Variants in ADAMDEC1 observed in about 807,000 individuals in gnomAD.
ADAMDEC1 encodes ADAM like decysin 1.
In ADAMDEC1, 62 loss-of-function variants were observed where a neutral mutation model predicts 60.4. The observed-to-expected ratio is 1.03, with a 90% CI of 0.84 to 1.27. ADAMDEC1 has a LOEUF of 1.27. Among genes scored for constraint, ADAMDEC1 ranks in the 50% most tolerant of loss-of-function variants. The probability of loss-of-function intolerance (pLI) is 0.00; values close to 1 mark genes in which losing one functional copy is unlikely to be tolerated. For missense variants in ADAMDEC1, 595 were observed against 565.0 expected (o/e 1.05, Z -0.54); for synonymous variants, 210 against 195.1 (o/e 1.08, Z -0.64).
At chr8:24,388,329 C>T (rs180841912) in intron 1 of ADAMDEC1, among the ~76,000 whole-genome samples, 1 of 152,172 alleles carries the variant, frequency 6.6e-6, no homozygotes, top group Non-Finnish European at 1.5e-5. Context: ...TACACTTTCT[C>T]TCTAGTTAGT....
Position 24,398,993 on chromosome 8 carries a change from C to A in ADAMDEC1, c.882C>A (p.His294Gln), listed in dbSNP as rs368922127. The A allele has an allele frequency of 9.0e-5, 145 of 1,613,502 alleles. No homozygotes were observed. The highest frequency in any genetic ancestry group is 1.1e-4 in the Non-Finnish European group (132 of 1,179,784). Residue 294 changes from histidine to glutamine, a missense_variant, in exon 9 of 14, where the codon CAC becomes CAA. By Grantham distance (24) the His-to-Gln change is conservative. Coordinates refer to ENST00000256412, the MANE Select transcript of ADAMDEC1 (RefSeq NM_014479.3). ...CGTTTGACAACTTCCTGAGATGGCA[C>A]AGTTCTAACCTGGGGAAAAAGATCC... Reference protein sequence around the residue: ...STTFDNFLRWHSSNLGKKIHD... With the variant: ...STTFDNFLRWQSSNLGKKIHD...
At chr8:24,385,348 C>T (rs1817265540) in intron 1 of ADAMDEC1, among the ~76,000 whole-genome samples, 1 of 152,158 alleles carries the variant, frequency 6.6e-6, no homozygotes, top group Admixed American at 6.5e-5. Flanking sequence ...AAAAGCTGCA[C>T]ACATACGGCT....
At chr8:24,386,750 TTTTC>T (rs1482874219) in intron 1 of ADAMDEC1, among the ~76,000 whole-genome samples, 2 of 152,188 alleles carry the variant, frequency 1.3e-5, no homozygotes, top group Non-Finnish European at 1.5e-5. Flanking sequence ...TGAATATCCT[TTTTC>T]TTTCTCTTCT....
chr8:24,405,499 T>C lies in ADAMDEC1; in HGVS notation c.*201T>C. On this transcript the variant is annotated 3_prime_UTR_variant, in exon 14 of 14. Transcript: ENST00000256412. ...CTTTGTTTAGGCCTAATCTTTCTTT[T>C]TACTTTTTTTTTTCTTTTTTCTTTT... is the stretch of plus-strand genomic sequence containing the variant. 1 of 504,606 alleles carries C rather than the reference T, an allele frequency of 2.0e-6. No individual in the cohort carries two copies. Among genetic ancestry groups the C allele is most frequent in the South Asian group, 4.8e-5 (1 of 20,968 alleles). The allele number at this position is 504,606 out of a possible 1,614,324, so 31.3% of individuals were successfully genotyped here. A position where few individuals can be genotyped will look rare whatever the true frequency, so the allele number is the denominator to read the frequency against.
chr8:24,403,984 T>TTG lies in ADAMDEC1; in HGVS notation c.1321-10_1321-9dup, dbSNP rs1563358592. The TTG allele has an allele frequency of 6.2e-7, 1 of 1,605,640 alleles. No homozygotes were observed. Among genetic ancestry groups the TTG allele is most frequent in the South Asian group, 1.1e-5 (1 of 90,032 alleles). Reference sequence around the variant, plus strand: ...AAAATGTTGAACCCACCTTTTTCCATTGTGTGTGTGCTTTGAAGGAGTGTA... The same window carrying TTG: ...AAAATGTTGAACCCACCTTTTTCCATTGTGTGTGTGTGCTTTGAAGGAGTGTA... On this transcript the variant is annotated intron_variant, in intron 12 of 13. Transcript: ENST00000256412.
At position 24,400,236 on chromosome 8, in the gene ADAMDEC1, A is replaced by G. The variant is rs1817726978; in HGVS notation, c.1078A>G (p.Met360Val). 1 of 1,612,340 alleles carries G rather than the reference A, an allele frequency of 6.2e-7. No homozygotes were observed. Among genetic ancestry groups the G allele is most frequent in the African/African-American group, 1.3e-5 (1 of 74,988 alleles). Reference protein sequence around the residue: ...MSHELGHVLGMPDVPFNTKCP... With the variant: ...MSHELGHVLGVPDVPFNTKCP... ...ACATGAGCTGGGCCATGTCCTTGGTATGCCTGATGTTCCATTCAACACCAA... is the reference window on the plus strand; with the variant it reads ...ACATGAGCTGGGCCATGTCCTTGGTGTGCCTGATGTTCCATTCAACACCAA... The change falls in exon 11 of 14, where the codon ATG becomes GTG. Residue 360 changes from methionine (M) to valine (V), a missense_variant. By Grantham distance (21) the Met-to-Val change is conservative. Transcript: ENST00000256412.
At chr8:24,399,277 G>T in intron 9 of ADAMDEC1, 116 bp from the exon 10 acceptor site, 3 of 1,164,522 alleles carry the variant, frequency 2.6e-6, no homozygotes, top group Non-Finnish European at 3.8e-6. Flanking sequence ...AGTTTTTTGG[G>T]GCCTAGTGAA....
Position 24,399,338 on chromosome 8 carries a change from C to T in ADAMDEC1, c.930-55C>T. The T allele has an allele frequency of 2.0e-6, 3 of 1,534,590 alleles. No individual in the cohort carries two copies. The Admixed American group carries it at 5.0e-5, about 26-fold the overall frequency. On this transcript the variant is annotated intron_variant, in intron 9 of 13. Coordinates refer to ENST00000256412, the MANE Select transcript of ADAMDEC1 (RefSeq NM_014479.3). ...AATTCGTTAATGTAATTAACAAAAG[C>T]TAATGGTTACAAAGACTCAGATTGT...
intron 11 of ADAMDEC1, among the ~76,000 whole-genome samples, chr8:24,400,997 A>G (rs947875239): frequency 4.6e-5 from 7 of 151,924 alleles, no homozygotes; most frequent in African/African-American, 1.2e-4. Flanking sequence ...ATAGTATTCC[A>G]TGGTGTATAT....
chr8:24,388,485 T>C (rs1817353355), intron 1 of ADAMDEC1, among the ~76,000 whole-genome samples: 1 of 152,124 alleles, frequency 6.6e-6, no homozygotes, highest in Non-Finnish European at 1.5e-5. Flanking sequence ...TTTCTTTCTC[T>C]GCCTTCCTCT....
At chr8:24,403,927 T>G (rs1817825298) in intron 12 of ADAMDEC1, 76 bp from the exon 13 acceptor site, 2 of 1,187,532 alleles carry the variant, frequency 1.7e-6, no homozygotes, top group South Asian at 2.7e-5. Flanking sequence ...TGCCATCTTG[T>G]GCCAGAATTC....
chr8:24,404,890 T>G (rs1817851730), intron 13 of ADAMDEC1, among the ~76,000 whole-genome samples: 1 of 152,126 alleles, frequency 6.6e-6, no homozygotes, highest in African/African-American at 2.4e-5. Context: ...ACATGAATCA[T>G]GGAATGAATC....
chr8:24,390,591 G>A (rs984516518), intron 1 of ADAMDEC1, among the ~76,000 whole-genome samples: 5 of 152,046 alleles, frequency 3.3e-5, no homozygotes, highest in African/African-American at 7.2e-5. Context: ...GTGGTGGTAC[G>A]CAACTGTAAT....
chr8:24,388,934 A>G (rs148945760), intron 1 of ADAMDEC1, among the ~76,000 whole-genome samples: 226 of 152,292 alleles, frequency 1.5e-3, no homozygotes, highest in African/African-American at 5.4e-3. Context: ...GACAAGACAG[A>G]TGGTGGATCC....
intron 5 of ADAMDEC1, among the ~76,000 whole-genome samples, chr8:24,396,691 C>T (rs1219741869): frequency 6.6e-6 from 1 of 151,990 alleles, no homozygotes; most frequent in Non-Finnish European, 1.5e-5. Flanking sequence ...TGATAACACA[C>T]ACGACAAGTT....
chr8:24,388,227 G>A (rs1817345391), intron 1 of ADAMDEC1, among the ~76,000 whole-genome samples: 1 of 152,044 alleles, frequency 6.6e-6, no homozygotes, highest in Non-Finnish European at 1.5e-5. Flanking sequence ...ACTTTCAGTA[G>A]GTTTGCGTCC....
chr8:24,404,095 C>T lies in ADAMDEC1; in HGVS notation c.1406+7C>T. On this transcript the variant is annotated splice_region_variant and intron_variant, in intron 13 of 13. Transcript: ENST00000256412. ...ATGCTCCAAACCATACCACGTAAGA[C>T]CTTTTGTTTTCTTTGTTCCAAAACG... 6.2e-7 allele frequency: 1 copy of T among 1,610,974 alleles called. No homozygotes were observed. Among genetic ancestry groups the T allele is most frequent in the Non-Finnish European group, 8.5e-7 (1 of 1,178,948 alleles).
chr8:24,402,724 A>G (rs563879894), intron 12 of ADAMDEC1, among the ~76,000 whole-genome samples: 9 of 152,270 alleles, frequency 5.9e-5, no homozygotes, highest in Admixed American at 3.9e-4. Context: ...TCCAAGAAGT[A>G]TCCATTACTT....
rs1396811318 is a variant in ADAMDEC1 at position 24,405,883 on chromosome 8, C to T, written c.*585C>T. The T allele has an allele frequency of 6.6e-6, 1 of 152,168 alleles. No individual in the cohort carries two copies. 9.4% of individuals were successfully genotyped at this position (152,168 alleles called of 1,614,324 possible). On this transcript the variant is annotated 3_prime_UTR_variant, in exon 14 of 14. Transcript: ENST00000256412. ...CATTTTATCATGTATATCCTATACA[C>T]ACATCTCCTTCATCATCATATATGA... is the stretch of plus-strand genomic sequence containing the variant.
Sources: allele counts gnomAD v4.1 joint callset (sites outside exome capture counted in the v4.1 genomes callset), GRCh38; gene constraint gnomAD v4.1.1; transcripts MANE v1.5; gene names NCBI Gene and HGNC (gene_info 2026-07-23, HGNC 2026-07-21).